Variants in RFX2 observed in about 807,000 individuals in gnomAD.
RFX2 encodes regulatory factor X2.
Under a neutral mutation model 87.8 loss-of-function variants are expected in RFX2, and 20 were observed. The ratio of observed to expected loss-of-function variants is 0.23; its 90% confidence interval spans 0.16 to 0.33. The LOEUF is 0.33. Among genes scored for constraint, RFX2 ranks in the 10% least tolerant of loss-of-function variants. RFX2 has a pLI of 1.00. For synonymous variants in RFX2, 397 were observed against 431.3 expected (o/e 0.92, Z 0.98); for missense variants, 767 against 1,012.3 (o/e 0.76, Z 3.29).
intron 1 of RFX2, among the ~76,000 whole-genome samples, chr19:6,077,379 T>A: frequency 6.6e-6 from 1 of 152,102 alleles, no homozygotes; most frequent in East Asian, 1.9e-4. Flanking sequence ...GGAGCACTGG[T>A]GGCTGGGGCA....
intron 1 of RFX2, among the ~76,000 whole-genome samples, chr19:6,077,709 C>T (rs1568187020): frequency 6.6e-6 from 1 of 152,096 alleles, no homozygotes; most frequent in East Asian, 1.9e-4. Flanking sequence ...CGGCCGGGCG[C>T]GGTGGCTCAC....
rs1181459387 is a variant in RFX2, at chr19:6,064,313, C to G, written c.-8-16809G>C. On this transcript the variant is annotated intron_variant, in intron 1 of 17. Transcript: ENST00000303657. This position sits in a 1 kb window ranked among gnomAD's most constrained non-coding sequence, Gnocchi z 4.8. ...TAAGGCATCATGCTTTTGTGTTCTC[C>G]TTCTCTTACCAGCCTTTCTTTCCCT... Among the ~76,000 whole-genome samples the G allele has an allele frequency of 6.6e-6, 1 of 152,194 alleles. No homozygotes were observed. Among genetic ancestry groups the G allele is most frequent in the Admixed American group, 6.5e-5 (1 of 15,282 alleles).
At chr19:6,070,180 G>A (rs369685454) in intron 1 of RFX2, among the ~76,000 whole-genome samples, 8 of 82 alleles carry the variant, frequency 0.098, no homozygotes, top group Admixed American at 0.25. Flanking sequence ...AATGGGATGG[G>A]ATGGGATGGG....
intron 1 of RFX2, among the ~76,000 whole-genome samples, chr19:6,094,112 A>G (rs1260616024): frequency 6.6e-6 from 1 of 152,148 alleles, no homozygotes; most frequent in South Asian, 2.1e-4. Context: ...AATGCAAAAA[A>G]CACTAAAGAA....
chr19:6,019,585 G>T (rs865950551), intron 6 of RFX2, among the ~76,000 whole-genome samples: 13 of 129,470 alleles, frequency 1.0e-4, no homozygotes, highest in African/African-American at 2.2e-4. Flanking sequence ...TAGAGACAGG[G>T]ATATATATAT....
Position 6,013,586 on chromosome 19 carries a change from C to A in RFX2, c.780-481G>T, listed in dbSNP as rs2086687182. On this transcript the variant is annotated intron_variant, in intron 7 of 17. Coordinates refer to ENST00000303657, the MANE Select transcript of RFX2 (RefSeq NM_000635.4). This position sits in a 1 kb window ranked among gnomAD's most constrained non-coding sequence, Gnocchi z 4.1. ...CAGCTCACTATCAGGAGGTCACTAC[C>A]AGGAGGTCACTATCACTTGACCTCC... is the stretch of plus-strand genomic sequence containing the variant. Among the ~76,000 whole-genome samples the A allele has an allele frequency of 6.6e-6, 1 of 151,646 alleles. No homozygotes were observed. The highest frequency in any genetic ancestry group is 1.5e-5 in the Non-Finnish European group (1 of 67,888).
chr19:6,061,672 A>G lies in RFX2; in HGVS notation c.-8-14168T>C, dbSNP rs1487315027. On this transcript the variant is annotated intron_variant, in intron 1 of 17. Transcript: ENST00000303657. The surrounding 1 kb of genome is among the most constrained non-coding windows in gnomAD (Gnocchi z 5.2). ...CCATTATTTATATAAATAAGAACAA[A>G]TGCCAAGGGGAATGCCGAGTGGCTG... 1.3e-5 allele frequency among the ~76,000 whole-genome samples: 2 copies of G among 152,208 alleles called. No homozygotes were observed. Among genetic ancestry groups the G allele is most frequent in the African/African-American group, 4.8e-5 (2 of 41,456 alleles).
At chr19:6,081,619 A>ATT (rs2087786730) in intron 1 of RFX2, among the ~76,000 whole-genome samples, 1 of 152,244 alleles carries the variant, frequency 6.6e-6, no homozygotes, top group Non-Finnish European at 1.5e-5. Flanking sequence ...AAATTAAATA[A>ATT]TTTGAGTGTA....
At chr19:6,035,888 T>TGA (rs1555776268) in intron 5 of RFX2, among the ~76,000 whole-genome samples, 2 of 150,422 alleles carry the variant, frequency 1.3e-5, no homozygotes, top group African/African-American at 2.4e-5. Context: ...TGTGTGTGTG[T>TGA]GAAAACATAG....
At chr19:6,035,845 T>TGGG (rs746972870) in intron 5 of RFX2, among the ~76,000 whole-genome samples, 1 of 107,126 alleles carries the variant, frequency 9.3e-6, no homozygotes, top group African/African-American at 4.4e-5. Flanking sequence ...CAGAGCTTGG[T>TGGG]GGGGGGTGTG....
Position 6,047,579 on chromosome 19 carries a change from C to A in RFX2, c.-8-75G>T. 8.3e-7 allele frequency: 1 copy of A among 1,201,626 alleles called. No individual in the cohort carries two copies. Among genetic ancestry groups the A allele is most frequent in the South Asian group, 1.3e-5 (1 of 76,968 alleles). 74.4% of individuals were successfully genotyped at this position (1,201,626 alleles called of 1,614,324 possible). A position where few individuals can be genotyped will look rare whatever the true frequency, so the allele number is the denominator to read the frequency against. On this transcript the variant is annotated intron_variant, in intron 1 of 17. Transcript: ENST00000303657. This position sits in a 1 kb window ranked among gnomAD's most constrained non-coding sequence, Gnocchi z 4.2. ...AATCCGAAGAGGCAACTAACAAGTT[C>A]AAGGGAGGGAAGGAGTAACCAGCTA...
At chr19:6,067,298 C>T (rs905147566) in intron 1 of RFX2, among the ~76,000 whole-genome samples, 1 of 152,220 alleles carries the variant, frequency 6.6e-6, no homozygotes, top group Non-Finnish European at 1.5e-5. Flanking sequence ...ATTAAAACGA[C>T]TTTTGGAAAT....
In RFX2 at chr19:6,038,741, A is replaced by G. The variant is rs551377335; in HGVS notation, c.522+1239T>C. Among the ~76,000 whole-genome samples, 49 of 152,328 alleles carry G rather than the reference A, an allele frequency of 3.2e-4. No individual in the cohort carries two copies. In the South Asian group the frequency reaches 9.9e-3, roughly 31 times the overall value. On this transcript the variant is annotated intron_variant, in intron 5 of 17. Transcript: ENST00000303657. ...AAAAGCTGCTACCATCATTAGCTAT[A>G]AAGAAAATGCAAGTTGCAACCACAA...
intron 1 of RFX2, among the ~76,000 whole-genome samples, chr19:6,096,631 A>T (rs989971363): frequency 2.6e-5 from 4 of 152,182 alleles, no homozygotes; most frequent in Non-Finnish European, 2.9e-5. Flanking sequence ...TATTTTTAGT[A>T]GAGACGGGGT....
intron 1 of RFX2, among the ~76,000 whole-genome samples, chr19:6,085,197 T>C (rs1376043643): frequency 6.6e-6 from 1 of 152,208 alleles, no homozygotes; most frequent in Non-Finnish European, 1.5e-5. Flanking sequence ...CAAATACTGT[T>C]TTCCAAAGCA....
Position 6,105,289 on chromosome 19 carries a change from T to C in RFX2, c.-9+5104A>G, listed in dbSNP as rs192874494. Among the ~76,000 whole-genome samples the C allele has an allele frequency of 7.3e-4, 111 of 152,174 alleles. 1 individual carries two copies. The East Asian group carries it at 0.02, about 28-fold the overall frequency. On this transcript the variant is annotated intron_variant, in intron 1 of 17. Coordinates refer to ENST00000303657, the MANE Select transcript of RFX2 (RefSeq NM_000635.4). ...CAGGGAAGGAGGCTGAGAGCACCCA[T>C]TCTCAAGTGGGTGGCCTGGTGACAT...
rs2086662130 is a variant in RFX2 at position 6,011,743 on chromosome 19, G to A, written c.899+1243C>T. Among the ~76,000 whole-genome samples the A allele has an allele frequency of 6.6e-6, 1 of 152,204 alleles. No homozygotes were observed. Among genetic ancestry groups the A allele is most frequent in the East Asian group, 1.9e-4 (1 of 5,190 alleles). On this transcript the variant is annotated intron_variant, in intron 8 of 17. Transcript: ENST00000303657. The surrounding 1 kb of genome is among the most constrained non-coding windows in gnomAD (Gnocchi z 4.8). ...AGTGGCTGTGTGGTCAGGAGTCAAT[G>A]GGTTACGCAGAGCAGCTGGAATGGG...
In RFX2 at chr19:6,044,551, G is replaced by C. The variant is rs554710104; in HGVS notation, c.91-269C>G. 6.6e-6 allele frequency among the ~76,000 whole-genome samples: 1 copy of C among 152,190 alleles called. No homozygotes were observed. The highest frequency in any genetic ancestry group is 2.4e-5 in the African/African-American group (1 of 41,452). On this transcript the variant is annotated intron_variant, in intron 2 of 17. Transcript: ENST00000303657. The surrounding 1 kb of genome is among the most constrained non-coding windows in gnomAD (Gnocchi z 5.3). ...CAGCCCATGCACCACACATATGCACGAATTGTGGGCACACACACACGTATG... is the reference window on the plus strand; with the variant it reads ...CAGCCCATGCACCACACATATGCACCAATTGTGGGCACACACACACGTATG...
rs111967404 is a variant in RFX2 at position 6,045,163 on chromosome 19, CCT to C, written c.91-883_91-882del. Among the ~76,000 whole-genome samples the C allele has an allele frequency of 3.3e-3, 504 of 152,248 alleles. 3 individuals are homozygous for C. The highest frequency in any genetic ancestry group is 0.011 in the African/African-American group (476 of 41,546). ...GGTGATGGGTGAGGACACGCCATCC[CCT>C]GTGTTGCAGGAGTGGAGCTAAGGAT... On this transcript the variant is annotated intron_variant, in intron 2 of 17. Transcript: ENST00000303657. The surrounding 1 kb of genome is among the most constrained non-coding windows in gnomAD (Gnocchi z 5.2).
Sources: allele counts gnomAD v4.1 joint callset (sites outside exome capture counted in the v4.1 genomes callset), GRCh38; gene constraint gnomAD v4.1.1; non-coding constraint Gnocchi (gnomAD v3.1); transcripts MANE v1.5; gene names NCBI Gene and HGNC (gene_info 2026-07-23, HGNC 2026-07-21).